WDR25: variants seen among roughly 807,000 people sequenced by gnomAD.
WDR25 encodes WD repeat domain 25, also known as WD repeat-containing protein 25.
WDR25 carries 35 observed loss-of-function variants against 47.7 expected under a neutral mutation model. That is an observed-to-expected ratio of 0.73 (90% confidence interval 0.56 to 0.97). WDR25 has a LOEUF of 0.97. Ranked by LOEUF, WDR25 falls within the 50% of genes least tolerant of loss-of-function variation. WDR25 has a pLI of 0.00. For missense variants in WDR25, 634 were observed against 704.7 expected (o/e 0.90, Z 1.14); for synonymous variants, 248 against 278.9 (o/e 0.89, Z 1.10).
At position 100,502,460 on chromosome 14, in the gene WDR25, G is replaced by A. The variant is rs377264610; in HGVS notation, c.1101+18336G>A. ...GGCTCTGACGAGGCCTTCCTGCTGC[G>A]AGTAGTCAGCTCCCTCTCCTGGAGC... On this transcript the variant is annotated intron_variant, in intron 4 of 6. Transcript: ENST00000402312. The surrounding 1 kb of genome is among the most constrained non-coding windows in gnomAD (Gnocchi z 4.5). Among the ~76,000 whole-genome samples, 177 of 152,338 alleles carry A rather than the reference G, an allele frequency of 1.2e-3. No individual in the cohort carries two copies. Among genetic ancestry groups the A allele is most frequent in the African/African-American group, 4.1e-3 (172 of 41,586 alleles).
chr14:100,467,318 C>T (rs1899665938), intron 2 of WDR25, among the ~76,000 whole-genome samples: 1 of 151,798 alleles, frequency 6.6e-6, no homozygotes, highest in African/African-American at 2.4e-5. Flanking sequence ...GCCAGGGATG[C>T]AGGCGAGCCT....
chr14:100,450,107 T>G (rs1595100199), intron 2 of WDR25, among the ~76,000 whole-genome samples: 1 of 152,212 alleles, frequency 6.6e-6, no homozygotes, highest in East Asian at 1.9e-4. Flanking sequence ...AATCTGCTTA[T>G]CACTTTGCTC....
intron 3 of WDR25, among the ~76,000 whole-genome samples, chr14:100,475,464 T>G (rs1453990444): frequency 6.6e-6 from 1 of 152,190 alleles, no homozygotes; most frequent in Non-Finnish European, 1.5e-5. Context: ...AGAAGAATAT[T>G]CTGTCATTTT....
intron 4 of WDR25, among the ~76,000 whole-genome samples, chr14:100,516,858 A>C (rs1165182110): frequency 6.6e-6 from 1 of 151,698 alleles, no homozygotes; most frequent in African/African-American, 2.4e-5. Context: ...GATTTTAGAC[A>C]ATTTATATTT....
chr14:100,459,510 T>TA (rs1032935502), intron 2 of WDR25, among the ~76,000 whole-genome samples: 6 of 152,102 alleles, frequency 3.9e-5, no homozygotes, highest in African/African-American at 1.4e-4. Context: ...TTTGAAATCT[T>TA]AACCCCCAGT....
chr14:100,402,987 T>C (rs1375342378), intron 2 of WDR25, among the ~76,000 whole-genome samples: 1 of 152,112 alleles, frequency 6.6e-6, no homozygotes, highest in Non-Finnish European at 1.5e-5. Flanking sequence ...CAGCTGAGCT[T>C]CATTACGTTC....
At chr14:100,401,432 C>T (rs140801304) in intron 2 of WDR25, among the ~76,000 whole-genome samples, 197 of 152,292 alleles carry the variant, frequency 1.3e-3, no homozygotes, top group African/African-American at 4.3e-3. Context: ...GCCTCCTCCC[C>T]GGTGTCTTAG....
chr14:100,412,682 T>C (rs2140193847), intron 2 of WDR25, among the ~76,000 whole-genome samples: 2 of 152,346 alleles, frequency 1.3e-5, no homozygotes, highest in Non-Finnish European at 2.9e-5. Context: ...AATGTCTCTG[T>C]GGTTTGCCTT....
In WDR25 at chr14:100,414,621, G is replaced by A. The variant is rs187690371; in HGVS notation, c.822+32875G>A. 4.3e-4 allele frequency among the ~76,000 whole-genome samples: 65 copies of A among 152,252 alleles called. 1 individual carries two copies. Among genetic ancestry groups the A allele is most frequent in the African/African-American group, 1.4e-3 (60 of 41,542 alleles). On this transcript the variant is annotated intron_variant, in intron 2 of 6. Transcript: ENST00000402312. Reference sequence around the variant, plus strand: ...AGCCACCGCACCCGGCCGCCTAGAGGTAGTTCTTAAATGAATGTTGGTGTG... The same window carrying A: ...AGCCACCGCACCCGGCCGCCTAGAGATAGTTCTTAAATGAATGTTGGTGTG...
chr14:100,508,677 CTT>C (rs1447534331), intron 4 of WDR25, among the ~76,000 whole-genome samples: 2 of 152,040 alleles, frequency 1.3e-5, no homozygotes, highest in African/African-American at 4.8e-5. Context: ...ACATTTTTGT[CTT>C]GTTTCTCATT....
chr14:100,515,001 T>C (rs568477638), intron 4 of WDR25, among the ~76,000 whole-genome samples: 10 of 152,324 alleles, frequency 6.6e-5, no homozygotes, highest in Admixed American at 5.2e-4. Context: ...ATGATTTTTT[T>C]CTCTTCCAGT....
At chr14:100,514,091 A>G (rs1187493653) in intron 4 of WDR25, among the ~76,000 whole-genome samples, 1 of 151,444 alleles carries the variant, frequency 6.6e-6, no homozygotes, top group African/African-American at 2.4e-5. Flanking sequence ...GCCCGCCACC[A>G]CGCCCGGCTA....
chr14:100,504,523 T>C (rs1340241259), intron 4 of WDR25: 1 of 152,244 alleles, frequency 6.6e-6, no homozygotes, highest in Non-Finnish European at 1.5e-5. Context: ...GTGAGTCTGC[T>C]GCTGCTTCCA....
rs55803938 is a variant in WDR25 at position 100,404,758 on chromosome 14, A to G, written c.822+23012A>G. Among the ~76,000 whole-genome samples, 1 of 152,224 alleles carries G rather than the reference A, an allele frequency of 6.6e-6. No homozygotes were observed. Among genetic ancestry groups the G allele is most frequent in the Non-Finnish European group, 1.5e-5 (1 of 67,986 alleles). Reference sequence around the variant, plus strand: ...CCATGATCCTGACTCTGAAATGCCAAGTATACACCCCTCCCTCCTCCTGCC... The same window carrying G: ...CCATGATCCTGACTCTGAAATGCCAGGTATACACCCCTCCCTCCTCCTGCC... On this transcript the variant is annotated intron_variant, in intron 2 of 6. Transcript: ENST00000402312. This position sits in a 1 kb window ranked among gnomAD's most constrained non-coding sequence, Gnocchi z 4.6.
chr14:100,381,300 C>T lies in WDR25; in HGVS notation c.376C>T (p.His126Tyr). Residue 126 changes from histidine to tyrosine, a missense_variant, in exon 2 of 7, where the codon CAC (histidine) becomes TAC (tyrosine). Physicochemically the swap from His to Tyr is moderately conservative, Grantham distance 83 (BLOSUM62 2). Coordinates refer to ENST00000402312, the MANE Select transcript of WDR25 (RefSeq NM_001161476.3). Reference protein sequence around the residue: ...SLWTSHVPASHMPLAAARFKQ... With the variant: ...SLWTSHVPASYMPLAAARFKQ... ...GTGGACGAGCCATGTTCCAGCCAGC[C>T]ACATGCCCCTGGCAGCTGCCCGCTT... 1.2e-6 allele frequency: 2 copies of T among 1,614,232 alleles called. No homozygotes were observed. Among genetic ancestry groups the T allele is most frequent in the Non-Finnish European group, 1.7e-6 (2 of 1,180,046 alleles).
At chr14:100,406,214 C>T (rs1566894058) in intron 2 of WDR25, among the ~76,000 whole-genome samples, 1 of 152,168 alleles carries the variant, frequency 6.6e-6, no homozygotes, top group East Asian at 1.9e-4. Context: ...GGACCTGGAG[C>T]AGTCGGCTTC....
chr14:100,487,346 C>T (rs1900419139), intron 4 of WDR25, among the ~76,000 whole-genome samples: 1 of 152,208 alleles, frequency 6.6e-6, no homozygotes, highest in African/African-American at 2.4e-5. Flanking sequence ...GACCAGCAGT[C>T]AGCAAACTAT....
At chr14:100,380,675 G>A (rs571164711) in intron 1 of WDR25, among the ~76,000 whole-genome samples, 1 of 150,032 alleles carries the variant, frequency 6.7e-6, no homozygotes, top group African/African-American at 2.4e-5. Flanking sequence ...TGTATTTTTA[G>A]TAGAGACGGG....
chr14:100,382,223 A>G lies in WDR25; in HGVS notation c.822+477A>G. On this transcript the variant is annotated intron_variant, in intron 2 of 6. Transcript: ENST00000402312. Reference sequence around the variant, plus strand: ...GAGCCGTGGACAAGTACACAGACTCAACCCTGAGCTGTGAGGACGGCCCCC... The same window carrying G: ...GAGCCGTGGACAAGTACACAGACTCGACCCTGAGCTGTGAGGACGGCCCCC... The G allele has an allele frequency of 2.8e-6, 2 of 702,254 alleles. 1 individual carries two copies. Among genetic ancestry groups the G allele is most frequent in the Admixed American group, 4.0e-5 (2 of 49,994 alleles). 43.5% of individuals were successfully genotyped at this position (702,254 alleles called of 1,614,324 possible). A position where few individuals can be genotyped will look rare whatever the true frequency, so the allele number is the denominator to read the frequency against.
Sources: gnomAD v4.1 joint callset for allele counts (sites outside exome capture counted in the v4.1 genomes callset) on GRCh38, gnomAD v4.1.1 for gene constraint, Gnocchi (gnomAD v3.1) non-coding constraint, MANE v1.5 for transcripts, NCBI Gene and HGNC (gene_info 2026-07-23, HGNC 2026-07-21) for gene names.